The following ROBO2 variants were observed in gnomAD, a reference collection of about 807,000 sequenced individuals.
The protein encoded by ROBO2 is roundabout guidance receptor 2.
Under a neutral mutation model 160.8 loss-of-function variants are expected in ROBO2, and 53 were observed. The observed-to-expected ratio is 0.33, with a 90% confidence interval of 0.26 to 0.41. The LOEUF (loss-of-function observed/expected upper bound fraction) is 0.41. Among genes scored for constraint, ROBO2 ranks in the 10% least tolerant of loss-of-function variants. The pLI is 1.00. For synonymous variants in ROBO2, 664 were observed against 611.7 expected, an observed-to-expected ratio of 1.09 and a Z score of -1.26; for missense variants, 1,577 against 1,722.4, an observed-to-expected ratio of 0.92 and a Z score of 1.49.
intron 2 of ROBO2, among the ~76,000 whole-genome samples, chr3:76,266,121 T>A (rs1189371249): frequency 6.6e-6 from 1 of 152,146 alleles, no homozygotes; most frequent in East Asian, 1.9e-4. Flanking sequence ...ACATTTACAT[T>A]TTTTGTCCTT....
chr3:76,414,384 G>A (rs1259676626), intron 2 of ROBO2, among the ~76,000 whole-genome samples: 2 of 151,930 alleles, frequency 1.3e-5, no homozygotes, highest in Non-Finnish European at 2.9e-5. Context: ...TTAGTTGGTG[G>A]TATATCATCT....
At chr3:76,050,673 G>A (rs140658195) in intron 2 of ROBO2, among the ~76,000 whole-genome samples, 424 of 152,260 alleles carry the variant, frequency 2.8e-3, no homozygotes, top group Non-Finnish European at 4.6e-3. Context: ...TGCAACGGCT[G>A]TGTCCTTGCT....
intron 2 of ROBO2, among the ~76,000 whole-genome samples, chr3:76,888,392 ATCTAGTT>A (rs1178213254): frequency 2.5e-3 from 377 of 152,244 alleles, no homozygotes; most frequent in African/African-American, 8.7e-3. Context: ...ACAAAAGAGA[ATCTAGTT>A]AAGTGTTGAT....
intron 2 of ROBO2, among the ~76,000 whole-genome samples, chr3:77,428,523 A>C (rs1300260781): frequency 6.7e-6 from 1 of 148,282 alleles, no homozygotes. Flanking sequence ...CGCCCGGCTA[A>C]TTTTTTGTAT....
At position 76,697,574 on chromosome 3, in the gene ROBO2, G is replaced by A. The variant is rs1347614905; in HGVS notation, c.110-400440G>A. Among the ~76,000 whole-genome samples, 3 of 152,172 alleles carry A rather than the reference G, an allele frequency of 2.0e-5. No homozygotes were observed. In the East Asian group the frequency reaches 5.8e-4, roughly 29 times the overall value. On this transcript the variant is annotated intron_variant, in intron 2 of 26. Transcript: ENST00000487694. The stretch of plus-strand genomic sequence containing the variant: ...AGGTGGGAGAATCGCTTGAACCTGC[G>A]ATTTCTAGCTGCAGTGAACCATAAT...
chr3:77,132,657 T>G (rs2075954858), intron 2 of ROBO2, among the ~76,000 whole-genome samples: 1 of 151,982 alleles, frequency 6.6e-6, no homozygotes, highest in African/African-American at 2.4e-5. Flanking sequence ...AGTAGAAGTT[T>G]CCATTCACTA....
chr3:77,593,786 A>G (rs2094235891), intron 17 of ROBO2, among the ~76,000 whole-genome samples: 1 of 152,188 alleles, frequency 6.6e-6, no homozygotes, highest in Admixed American at 6.5e-5. Context: ...AGTTATTCAA[A>G]GTAAGAAGTA....
intron 2 of ROBO2, among the ~76,000 whole-genome samples, chr3:77,193,292 T>C (rs2082030243): frequency 6.6e-6 from 1 of 151,058 alleles, no homozygotes; most frequent in African/African-American, 2.4e-5. Context: ...AAAAAAAATT[T>C]AGAGATAAGG....
intron 2 of ROBO2, among the ~76,000 whole-genome samples, chr3:76,709,273 A>G (rs2093237987): frequency 6.6e-6 from 1 of 152,198 alleles, no homozygotes; most frequent in South Asian, 2.1e-4. Context: ...TTCTGCGGCT[A>G]TTGGCATTGG....
chr3:76,416,513 A>C (rs1332688279), intron 2 of ROBO2, among the ~76,000 whole-genome samples: 1 of 152,210 alleles, frequency 6.6e-6, no homozygotes, highest in African/African-American at 2.4e-5. Flanking sequence ...GTAATTAAAA[A>C]TTACTTTAAA....
chr3:77,122,310 T>C lies in ROBO2; in HGVS notation c.388+23970T>C, dbSNP rs577484293. 2.0e-5 allele frequency among the ~76,000 whole-genome samples: 3 copies of C among 152,320 alleles called. No homozygotes were observed. In the East Asian group the frequency reaches 5.8e-4, roughly 29 times the overall value. ...TCCCCAACTCTAAAAATGTAGACTC[T>C]TTGATTTGTGGTCATGAACATATTT... On this transcript the variant is annotated intron_variant, in intron 2 of 25. Transcript: ENST00000461745.
rs552123352 is a variant in ROBO2, at chr3:76,993,372, G to A, written c.110-104642G>A. 2.6e-5 allele frequency among the ~76,000 whole-genome samples: 4 copies of A among 152,228 alleles called. No individual in the cohort carries two copies. In the South Asian group the frequency reaches 8.3e-4, roughly 32 times the overall value. On this transcript the variant is annotated intron_variant, in intron 2 of 26. Coordinates refer to the ROBO2 transcript ENST00000487694. Reference sequence around the variant, plus strand: ...TGTGAAATTCAAATGTATCTTAGAGGAAATGATCCCCAAAGTCACATACAA... The same window carrying A: ...TGTGAAATTCAAATGTATCTTAGAGAAAATGATCCCCAAAGTCACATACAA...
intron 2 of ROBO2, among the ~76,000 whole-genome samples, chr3:76,668,728 G>T (rs1355418264): frequency 4.3e-5 from 6 of 138,746 alleles, no homozygotes; most frequent in Non-Finnish European, 7.8e-5. Flanking sequence ...AGACTAGGTT[G>T]GAGCTTCCAA....
rs374406974 is a variant in ROBO2 at position 77,351,438 on chromosome 3, A to G, written c.389-125976A>G. 4.5e-4 allele frequency among the ~76,000 whole-genome samples: 69 copies of G among 152,308 alleles called. No homozygotes were observed. The South Asian group carries it at 0.014, about 31-fold the overall frequency. ...TTTTATGTTGGGCAGGAAACAAATT[A>G]TGATGGCAGGTGAAGATATTGATCA... On this transcript the variant is annotated intron_variant, in intron 2 of 25. Coordinates refer to ENST00000461745, the Ensembl canonical transcript of ROBO2.
At chr3:77,607,726 C>T in intron 20 of ROBO2, 72 bp from the exon 22 acceptor site, 1 of 1,358,324 alleles carries the variant, frequency 7.4e-7, no homozygotes, top group Non-Finnish European at 1.1e-6. Flanking sequence ...AACATAAATA[C>T]ACCTTGCCAT....
chr3:76,731,741 A>C (rs960398659), intron 2 of ROBO2, among the ~76,000 whole-genome samples: 2 of 152,218 alleles, frequency 1.3e-5, no homozygotes, highest in Admixed American at 6.5e-5. Context: ...ACTTTCTGGT[A>C]CTCATACAAT....
chr3:77,277,739 T>C (rs1349346429), intron 2 of ROBO2, among the ~76,000 whole-genome samples: 2 of 152,182 alleles, frequency 1.3e-5, no homozygotes, highest in Non-Finnish European at 2.9e-5. Context: ...TCTCTGCTGT[T>C]GTGAATAGTG....
chr3:76,078,312 T>C (rs2068708076), intron 2 of ROBO2, among the ~76,000 whole-genome samples: 2 of 152,226 alleles, frequency 1.3e-5, no homozygotes, highest in South Asian at 2.1e-4. Context: ...AGTCATCTTT[T>C]GCACAACTCA....
chr3:76,178,155 C>T (rs1469311961), intron 2 of ROBO2, among the ~76,000 whole-genome samples: 1 of 152,116 alleles, frequency 6.6e-6, no homozygotes, highest in African/African-American at 2.4e-5. Context: ...ATATTATAGA[C>T]TTTTTTCCTT....
Sources: allele counts gnomAD v4.1 joint callset (sites outside exome capture counted in the v4.1 genomes callset), GRCh38; gene constraint gnomAD v4.1.1; transcripts MANE v1.5; gene names NCBI Gene and HGNC (gene_info 2026-07-23, HGNC 2026-07-21).